The following WDFY4 variants were observed in gnomAD, a reference collection of about 807,000 sequenced individuals.
WDFY4 encodes the protein WD repeat- and FYVE domain-containing protein 4.
Under a neutral mutation model 351.9 loss-of-function variants are expected in WDFY4, and 169 were observed. The observed-to-expected ratio is 0.48, with a 90% confidence interval of 0.42 to 0.55. The LOEUF is 0.55. Among genes scored for constraint, WDFY4 ranks in the 20% least tolerant of loss-of-function variants. The pLI, the probability that WDFY4 is intolerant of heterozygous loss-of-function variation, is 0.00. For synonymous variants in WDFY4, 1,622 were observed against 1,574.6 expected (o/e 1.03, Z -0.71); for missense variants, 3,803 against 3,935.6 (o/e 0.97, Z 0.90).
chr10:48,787,855 TTC>T (rs2066470150), intron 20 of WDFY4, among the ~76,000 whole-genome samples: 2 of 127,030 alleles, frequency 1.6e-5, no homozygotes, highest in Non-Finnish European at 3.2e-5. Context: ...CTTCTTCTTC[TTC>T]TTTCTTCTTC....
At chr10:48,948,047 C>A (rs1162853144) in intron 51 of WDFY4, among the ~76,000 whole-genome samples, 1 of 152,110 alleles carries the variant, frequency 6.6e-6, no homozygotes, top group Non-Finnish European at 1.5e-5. Context: ...CCCTGAGAGA[C>A]CAAAGGCCAC....
At chr10:48,689,908 A>G (rs2136296315) in intron 1 of WDFY4, among the ~76,000 whole-genome samples, 1 of 152,380 alleles carries the variant, frequency 6.6e-6, no homozygotes, top group African/African-American at 2.4e-5. Context: ...ATGGAGACTC[A>G]GAGATGTAAG....
intron 12 of WDFY4, among the ~76,000 whole-genome samples, chr10:48,756,739 A>G (rs1392486308): frequency 6.6e-6 from 1 of 152,026 alleles, no homozygotes; most frequent in African/African-American, 2.4e-5. Context: ...ATTAATATGG[A>G]TCATGTTGAC....
intron 2 of WDFY4, among the ~76,000 whole-genome samples, chr10:48,711,553 C>T (rs558634160): frequency 7.2e-5 from 11 of 152,252 alleles, no homozygotes; most frequent in South Asian, 2.1e-4. Context: ...ATGGGCAGCC[C>T]GGGCTCTGAT....
chr10:48,974,820 A>C, intron 57 of WDFY4, 42 bp from the exon 58 acceptor site: 2 of 1,477,696 alleles, frequency 1.4e-6, no homozygotes, highest in Non-Finnish European at 1.8e-6. Context: ...AAAGTAGCTG[A>C]ATTGAGGGTC....
In WDFY4 at chr10:48,981,437, C is replaced by T. The variant is rs372706937; in HGVS notation, c.9447C>T (p.Pro3149=). 11 of 1,551,614 alleles carry T rather than the reference C, an allele frequency of 7.1e-6. No individual in the cohort carries two copies. Among genetic ancestry groups the T allele is most frequent in the South Asian group, 2.4e-5 (2 of 84,062 alleles). Residue 3149 remains proline, a synonymous_variant, in exon 61 of 62, where the codon CCC becomes CCT. Transcript: ENST00000325239. ...TTAGCATTGCTTTGACAGGGAAGCC[C>T]AGCAAAACCAGCCCCGCAGTGACTG... is the stretch of plus-strand genomic sequence containing the variant. ...LDVSIALTGK[P]SKTSPAVTAL...
At chr10:48,891,548 T>C (rs2070697029) in intron 44 of WDFY4, among the ~76,000 whole-genome samples, 1 of 152,244 alleles carries the variant, frequency 6.6e-6, no homozygotes, top group Non-Finnish European at 1.5e-5. Context: ...AGGCCTTGCC[T>C]TTTCCAGTTG....
chr10:48,830,040 C>G (rs1297679390), intron 37 of WDFY4, among the ~76,000 whole-genome samples: 1 of 152,112 alleles, frequency 6.6e-6, no homozygotes, highest in Non-Finnish European at 1.5e-5. Context: ...GAAACAGTCT[C>G]CAGGGGCTGT....
intron 57 of WDFY4, among the ~76,000 whole-genome samples, chr10:48,972,956 C>G (rs1467652164): frequency 6.6e-6 from 1 of 152,196 alleles, no homozygotes. Context: ...CCCTTTGAAG[C>G]TGCTATCTCT....
chr10:48,887,207 G>A (rs1235462462), intron 43 of WDFY4, among the ~76,000 whole-genome samples: 1 of 152,180 alleles, frequency 6.6e-6, no homozygotes, highest in East Asian at 1.9e-4. Context: ...CTGTGGTGGG[G>A]GCCTGGTGTC....
intron 44 of WDFY4, among the ~76,000 whole-genome samples, chr10:48,894,357 T>G (rs1406393583): frequency 6.6e-6 from 1 of 152,182 alleles, no homozygotes; most frequent in African/African-American, 2.4e-5. Flanking sequence ...TAGGGAGCAT[T>G]TCTGCCTCCA....
In WDFY4 at chr10:48,910,262, G is replaced by T. The variant is rs758681262; in HGVS notation, c.7586+8399G>T. 5 of 1,613,416 alleles carry T rather than the reference G, an allele frequency of 3.1e-6. No homozygotes were observed. The East Asian group carries it at 8.9e-5, about 29-fold the overall frequency. ...CTAGGAAGATGTCAAGCGTATTCTG[G>T]GGATGGAGACACAAGAAGGTGAGGC... On this transcript the variant is annotated intron_variant, in intron 47 of 61. Coordinates refer to ENST00000325239, the MANE Select transcript of WDFY4 (RefSeq NM_001394531.1).
chr10:48,924,505 C>T (rs780575035), intron 47 of WDFY4, among the ~76,000 whole-genome samples: 12 of 152,166 alleles, frequency 7.9e-5, no homozygotes, highest in Non-Finnish European at 1.3e-4. Flanking sequence ...AATAGACAGA[C>T]GAATGGATGT....
At chr10:48,796,490 G>A (rs2066879726) in intron 24 of WDFY4, 40 bp downstream of exon 24, 1 of 1,536,150 alleles carries the variant, frequency 6.5e-7, no homozygotes, top group African/African-American at 1.4e-5. Context: ...AGGAGTGTGT[G>A]TGATGGTAAA....
At chr10:48,732,708 T>G (rs1248392718) in intron 9 of WDFY4, among the ~76,000 whole-genome samples, 1 of 152,228 alleles carries the variant, frequency 6.6e-6, no homozygotes, top group East Asian at 1.9e-4. Flanking sequence ...AACGAGGGAA[T>G]CTCTGAAGAG....
intron 57 of WDFY4, among the ~76,000 whole-genome samples, chr10:48,974,571 A>G (rs1450806694): frequency 6.7e-6 from 1 of 149,930 alleles, no homozygotes; most frequent in Non-Finnish European, 1.5e-5. Flanking sequence ...AGATAGATGT[A>G]GGGCAGCACA....
In WDFY4 at chr10:48,967,829, T is replaced by A. The variant is rs1590013901; in HGVS notation, c.8584+1156T>A. 3 of 152,408 alleles carry A rather than the reference T, an allele frequency of 2.0e-5. No homozygotes were observed. The Middle Eastern group carries it at 0.01, about 518-fold the overall frequency. The allele number at this position is 152,408 out of a possible 1,614,324, so 9.4% of individuals were successfully genotyped here. ...TCCCAAGGAGTATGAAGTTAAGTTTTCAATGGTTTTAGTGGTGTCCTTTTT... is the reference window on the plus strand; with the variant it reads ...TCCCAAGGAGTATGAAGTTAAGTTTACAATGGTTTTAGTGGTGTCCTTTTT... On this transcript the variant is annotated intron_variant, in intron 55 of 61. Coordinates refer to ENST00000325239, the MANE Select transcript of WDFY4 (RefSeq NM_001394531.1).
At chr10:48,692,796 C>A (rs762498702) in intron 1 of WDFY4, among the ~76,000 whole-genome samples, 1 of 152,304 alleles carries the variant, frequency 6.6e-6, no homozygotes. Context: ...CCCTGCTGCC[C>A]GCTGTCTGCC....
rs773336284 is a variant in WDFY4 at position 48,976,804 on chromosome 10, T to C, written c.9116T>C (p.Ile3039Thr). The change falls in exon 59 of 62, where the codon ATT becomes ACT. Residue 3039 changes from isoleucine to threonine, a missense_variant. Ile to Thr is a moderately conservative substitution (Grantham distance 89). Transcript: ENST00000325239. ...CCAGCTCTCACTGCACAGGGCACCATTGTCTCCTGTGCGGGAGCACACTTG... is the reference window on the plus strand; with the variant it reads ...CCAGCTCTCACTGCACAGGGCACCACTGTCTCCTGTGCGGGAGCACACTTG... The part of the protein sequence containing the change: ...AITISDVSGT[I>T]VSCAGAHLSL... The C allele has an allele frequency of 2.1e-6, 3 of 1,460,318 alleles. No individual in the cohort carries two copies. Among genetic ancestry groups the C allele is most frequent in the Non-Finnish European group, 2.7e-6 (3 of 1,097,250 alleles). The allele number at this position is 1,460,318 out of a possible 1,614,324, so 90.5% of individuals were successfully genotyped here.
Sources: allele counts gnomAD v4.1 joint callset (sites outside exome capture counted in the v4.1 genomes callset), GRCh38; gene constraint gnomAD v4.1.1; transcripts MANE v1.5; gene names NCBI Gene and HGNC (gene_info 2026-07-23, HGNC 2026-07-21).